The following DNMT1 variants were observed in gnomAD, a reference collection of about 807,000 sequenced individuals.
DNMT1 encodes the protein DNA (cytosine-5)-methyltransferase 1.
Under a neutral mutation model 205.3 loss-of-function variants are expected in DNMT1, and 24 were observed. The observed-to-expected ratio is 0.12, with a 90% CI of 0.08 to 0.16. The LOEUF (loss-of-function observed/expected upper bound fraction) is 0.16, where lower values mean the gene tolerates loss of function less well. Ranked by LOEUF, DNMT1 falls within the 10% of genes least tolerant of loss-of-function variation. The pLI is 1.00. For synonymous variants in DNMT1, 817 were observed against 839.8 expected (o/e 0.97, Z 0.47); for missense variants, 1,293 against 2,177.7 (o/e 0.59, Z 8.09).
Position 10,154,356 on chromosome 19 carries a change from A to C in DNMT1, c.1956T>G (p.Ile652Met). 1 of 1,614,104 alleles carries C rather than the reference A, an allele frequency of 6.2e-7. No homozygotes were observed. Among genetic ancestry groups the C allele is most frequent in the Non-Finnish European group, 8.5e-7 (1 of 1,180,016 alleles). The stretch of plus-strand genomic sequence containing the variant: ...CCTTGTCTTCTCTGTCATCCTTTTC[A>C]ATTTGCTCTGCGAAGAAAGTATCGA... The part of the protein sequence containing the change: ...QIFDTFFAEQ[I>M]EKDDREDKEN... Residue 652 changes from isoleucine (I) to methionine (M), a missense_variant, in exon 22 of 41, where the codon ATT (isoleucine) becomes ATG (methionine). Physicochemically the swap from Ile to Met is conservative, Grantham distance 10 (BLOSUM62 1). This residue lies in a region of DNMT1 where 197 missense variants were observed against 353.6 expected (regional missense o/e 0.56). Transcript: ENST00000359526. The surrounding 1 kb of genome is among the most constrained non-coding windows in gnomAD (Gnocchi z 6.3).
chr19:10,179,377 C>T (rs1256817532), intron 5 of DNMT1, among the ~76,000 whole-genome samples: 1 of 151,484 alleles, frequency 6.6e-6, no homozygotes, highest in Non-Finnish European at 1.5e-5. Context: ...GAATTACAGA[C>T]ACCCGCCACC....
At chr19:10,144,732 C>A (rs1475882644) in intron 28 of DNMT1, 1 of 152,776 alleles carries the variant, frequency 6.5e-6, no homozygotes, top group Admixed American at 6.5e-5. Flanking sequence ...CTCGTATGAG[C>A]GAGACAGCGG....
In DNMT1 at chr19:10,173,922, A is replaced by C; in HGVS notation, c.649-17T>G. The C allele has an allele frequency of 6.2e-7, 1 of 1,613,260 alleles. No individual in the cohort carries two copies. The stretch of plus-strand genomic sequence containing the variant: ...CTTCTCATCCTGTGTGGAGGGAAGG[A>C]AGAACAAAAAAGATTAGAATACTGG... On this transcript the variant is annotated splice_polypyrimidine_tract_variant and intron_variant, in intron 7 of 40. Transcript: ENST00000359526.
chr19:10,149,369 T>C lies in DNMT1; in HGVS notation c.2586+84A>G, dbSNP rs1467083180. ...AAAAAAAAACCAAATTAAAAAAAAA[T>C]ACAAATCAAAACAAAACAGAACGCA... On this transcript the variant is annotated intron_variant, in intron 26 of 40. Coordinates refer to ENST00000359526, the MANE Select transcript of DNMT1 (RefSeq NM_001130823.3). 6.5e-6 allele frequency: 9 copies of C among 1,377,680 alleles called. No homozygotes were observed. In the East Asian group the frequency reaches 1.2e-4, roughly 18 times the overall value. 85.3% of individuals were successfully genotyped at this position (1,377,680 alleles called of 1,614,324 possible).
In DNMT1 at chr19:10,137,043, C is replaced by T; in HGVS notation, c.4489+42G>A. On this transcript the variant is annotated intron_variant, in intron 37 of 40. Transcript: ENST00000359526. This position sits in a 1 kb window ranked among gnomAD's most constrained non-coding sequence, Gnocchi z 6.4. Reference sequence around the variant, plus strand: ...GCCAAAGGCCCAGGGCTCTGCCTTCCTTCCCCTCAGCCCACCGGGAACCAC... The same window carrying T: ...GCCAAAGGCCCAGGGCTCTGCCTTCTTTCCCCTCAGCCCACCGGGAACCAC... 1 of 1,593,926 alleles carries T rather than the reference C, an allele frequency of 6.3e-7. No homozygotes were observed. The highest frequency in any genetic ancestry group is 8.5e-7 in the Non-Finnish European group (1 of 1,170,686).
intron 27 of DNMT1, among the ~76,000 whole-genome samples, chr19:10,147,316 A>C (rs1465857128): frequency 6.6e-6 from 1 of 151,960 alleles, no homozygotes; most frequent in Non-Finnish European, 1.5e-5. Context: ...GTGATAAATA[A>C]ATAAGTAAAT....
At chr19:10,135,170 G>A (rs1016375651) in intron 39 of DNMT1, among the ~76,000 whole-genome samples, 9 of 139,518 alleles carry the variant, frequency 6.5e-5, no homozygotes, top group African/African-American at 1.6e-4. Flanking sequence ...CTGAGATCAC[G>A]CCACTTCACT....
intron 10 of DNMT1, 25 bp from the exon 11 acceptor site, chr19:10,166,710 C>A (rs771672945): frequency 3.1e-6 from 5 of 1,613,662 alleles, no homozygotes; most frequent in Non-Finnish European, 4.2e-6. Flanking sequence ...AACACACACA[C>A]AGGCTGGTCA....
At position 10,156,198 on chromosome 19, in the gene DNMT1, C is replaced by CTA. The variant is rs1005174134; in HGVS notation, c.1399+191_1399+192dup. On this transcript the variant is annotated intron_variant, in intron 18 of 40. Coordinates refer to ENST00000359526, the MANE Select transcript of DNMT1 (RefSeq NM_001130823.3). This position sits in a 1 kb window ranked among gnomAD's most constrained non-coding sequence, Gnocchi z 4.2. ...ACATATATATAAGTATATATGTATA[C>CTA]TATATATATATGCTATATATTTTTT... is the stretch of plus-strand genomic sequence containing the variant. Among the ~76,000 whole-genome samples, 4 of 150,358 alleles carry CTA rather than the reference C, an allele frequency of 2.7e-5. No homozygotes were observed. The highest frequency in any genetic ancestry group is 4.9e-5 in the African/African-American group (2 of 41,054).
At chr19:10,134,816 T>C (rs996029828) in intron 39 of DNMT1, among the ~76,000 whole-genome samples, 2 of 145,800 alleles carry the variant, frequency 1.4e-5, no homozygotes, top group African/African-American at 5.2e-5. Flanking sequence ...AGAGATCATG[T>C]CACTGCACTC....
chr19:10,151,981 G>A lies in DNMT1; in HGVS notation c.2020-134C>T, dbSNP rs1444733500. The A allele has an allele frequency of 3.3e-5, 26 of 777,460 alleles. No individual in the cohort carries two copies. Among genetic ancestry groups the A allele is most frequent in the Non-Finnish European group, 5.8e-5 (26 of 449,302 alleles). The allele number at this position is 777,460 out of a possible 1,614,324, so 48.2% of individuals were successfully genotyped here. A position where few individuals can be genotyped will look rare whatever the true frequency, so the allele number is the denominator to read the frequency against. On this transcript the variant is annotated intron_variant, in intron 22 of 40. Transcript: ENST00000359526. This position sits in a 1 kb window ranked among gnomAD's most constrained non-coding sequence, Gnocchi z 5.0. ...TGCAGACCAGCCTGGCCAACGTGGT[G>A]AAACCCCATCTCTACTAAAAATACA... is the stretch of plus-strand genomic sequence containing the variant.
chr19:10,168,468 C>T (rs2145345467), intron 9 of DNMT1, 104 bp from the exon 10 acceptor site: 3 of 1,206,840 alleles, frequency 2.5e-6, no homozygotes, highest in East Asian at 4.8e-5. Flanking sequence ...TTCTAGAGTC[C>T]ACTGGTGGGA....
intron 11 of DNMT1, among the ~76,000 whole-genome samples, chr19:10,163,901 T>A (rs1029784092): frequency 6.6e-6 from 1 of 152,016 alleles, no homozygotes; most frequent in African/African-American, 2.4e-5. Context: ...TATATATATA[T>A]GACACAGGCT....
chr19:10,168,705 GT>G (rs1338419627), intron 9 of DNMT1, among the ~76,000 whole-genome samples: 1 of 152,162 alleles, frequency 6.6e-6, no homozygotes, highest in Non-Finnish European at 1.5e-5. Flanking sequence ...CATCAGTTAA[GT>G]GTTGATAGCC....
At chr19:10,165,198 G>A (rs1367058500) in intron 11 of DNMT1, among the ~76,000 whole-genome samples, 1 of 152,104 alleles carries the variant, frequency 6.6e-6, no homozygotes, top group African/African-American at 2.4e-5. Context: ...CTGAGCCTGG[G>A]AGGTCGAGGC....
intron 7 of DNMT1, among the ~76,000 whole-genome samples, chr19:10,175,084 TAC>T (rs201133845): frequency 0.22 from 25,501 of 113,454 alleles, 2,510 homozygotes; most frequent in Non-Finnish European, 0.27. Flanking sequence ...CATACATACA[TAC>T]ACACACACAC....
At chr19:10,177,257 T>G in intron 6 of DNMT1, 35 bp downstream of exon 6, 1 of 1,606,716 alleles carries the variant, frequency 6.2e-7, no homozygotes, top group Non-Finnish European at 8.5e-7. Context: ...AGCCGGCCCC[T>G]AAAAAAGGCA....
At position 10,146,539 on chromosome 19, in the gene DNMT1, G is replaced by A; in HGVS notation, c.2721-15C>T. On this transcript the variant is annotated splice_polypyrimidine_tract_variant and intron_variant, in intron 27 of 40. Transcript: ENST00000359526. The surrounding 1 kb of genome is among the most constrained non-coding windows in gnomAD (Gnocchi z 4.4). Reference sequence around the variant, plus strand: ...TCACACAGAATCTGAAGGAAACAAAGGGACAGAAACATAAGGCCCTGAGGT... The same window carrying A: ...TCACACAGAATCTGAAGGAAACAAAAGGACAGAAACATAAGGCCCTGAGGT... 3 of 1,613,878 alleles carry A rather than the reference G, an allele frequency of 1.9e-6. No individual in the cohort carries two copies. Among genetic ancestry groups the A allele is most frequent in the Non-Finnish European group, 2.5e-6 (3 of 1,180,036 alleles).
chr19:10,180,963 C>T, intron 2 of DNMT1, 78 bp from the exon 3 acceptor site: 1 of 1,169,216 alleles, frequency 8.6e-7, no homozygotes, highest in Non-Finnish European at 1.3e-6. Flanking sequence ...AATTATTGAG[C>T]TGCCTGATCA....
Sources: gnomAD v4.1 joint callset for allele counts (sites outside exome capture counted in the v4.1 genomes callset) on GRCh38, gnomAD v4.1.1 for gene constraint, gnomAD v4.1.1 regional missense constraint, Gnocchi (gnomAD v3.1) non-coding constraint, MANE v1.5 for transcripts, NCBI Gene and HGNC (gene_info 2026-07-23, HGNC 2026-07-21) for gene names.